Variants in CLVS1 observed in about 807,000 individuals in gnomAD.
CLVS1 encodes the protein clavesin 1.
A neutral mutation model predicts 33.1 loss-of-function variants in CLVS1; 10 were observed. The ratio of observed to expected loss-of-function variants is 0.30; its 90% CI spans 0.19 to 0.51. The LOEUF is 0.51. Ranked by LOEUF, CLVS1 falls within the 20% of genes least tolerant of loss-of-function variation. CLVS1 has a pLI of 0.97. For missense variants in CLVS1, 343 were observed against 433.4 expected, an observed-to-expected ratio of 0.79 and a Z score of 1.85; for synonymous variants, 163 against 166.1, an observed-to-expected ratio of 0.98 and a Z score of 0.14.
chr8:61,107,301 TGG>T (rs1805554768), intron 1 of CLVS1, among the ~76,000 whole-genome samples: 1 of 152,218 alleles, frequency 6.6e-6, no homozygotes, highest in African/African-American at 2.4e-5. Flanking sequence ...TTAGTTGGTT[TGG>T]ACTGCTGTAA....
At chr8:61,203,768 C>T (rs1807787034) in intron 2 of CLVS1, among the ~76,000 whole-genome samples, 3 of 152,160 alleles carry the variant, frequency 2.0e-5, no homozygotes, top group African/African-American at 7.2e-5. Flanking sequence ...TTCTGAACAT[C>T]CTTGGATGTT....
intron 1 of CLVS1, among the ~76,000 whole-genome samples, chr8:61,092,568 ATC>A (rs1805269615): frequency 6.6e-6 from 1 of 152,168 alleles, no homozygotes; most frequent in Admixed American, 6.5e-5. Context: ...TTAGGAGATA[ATC>A]TGTTTTCTTT....
At chr8:61,120,603 C>T (rs1268176086) in intron 1 of CLVS1, among the ~76,000 whole-genome samples, 3 of 118,068 alleles carry the variant, frequency 2.5e-5, no homozygotes, top group Non-Finnish European at 5.1e-5. Context: ...ACAGGACCCT[C>T]AGCTGCAGGT....
At chr8:61,453,720 C>T (rs894768324) in intron 3 of CLVS1, among the ~76,000 whole-genome samples, 9 of 152,040 alleles carry the variant, frequency 5.9e-5, no homozygotes, top group Non-Finnish European at 2.9e-5. Context: ...ATGATTAAGC[C>T]GGTGGAGAGG....
the CLVS1 span, among the ~76,000 whole-genome samples, chr8:60,992,672 C>T: frequency 1.9e-3 from 290 of 152,342 alleles, 1 homozygote; most frequent in Non-Finnish European, 2.4e-3. Context: ...TGCACAAAAG[C>T]TCCATGGAGG....
At chr8:61,437,801 T>C (rs1369337502) in intron 3 of CLVS1, among the ~76,000 whole-genome samples, 1 of 152,202 alleles carries the variant, frequency 6.6e-6, no homozygotes, top group Non-Finnish European at 1.5e-5. Context: ...TTATGAAATA[T>C]TTATTGCTTT....
the CLVS1 span, among the ~76,000 whole-genome samples, chr8:61,021,504 C>A: frequency 6.6e-6 from 1 of 151,868 alleles, no homozygotes; most frequent in Non-Finnish European, 1.5e-5. Flanking sequence ...GCACACACTA[C>A]CATGACTGGC....
intron 5 of CLVS1, among the ~76,000 whole-genome samples, chr8:61,479,093 C>T (rs1043517333): frequency 6.6e-6 from 1 of 152,094 alleles, no homozygotes; most frequent in African/African-American, 2.4e-5. Context: ...ATCTTTGTGG[C>T]ATTCTCTCTA....
chr8:61,201,011 C>A (rs1164092939), intron 2 of CLVS1, among the ~76,000 whole-genome samples: 1 of 152,130 alleles, frequency 6.6e-6, no homozygotes, highest in Non-Finnish European at 1.5e-5. Flanking sequence ...TACTAAATTG[C>A]AATCCTTTCA....
chr8:60,968,955 G>A, the CLVS1 span, among the ~76,000 whole-genome samples: 1 of 151,608 alleles, frequency 6.6e-6, no homozygotes, highest in Non-Finnish European at 1.5e-5. Context: ...CAGGCATGGT[G>A]CTATGGATGT....
At chr8:61,410,776 G>T (rs1342663699) in intron 3 of CLVS1, among the ~76,000 whole-genome samples, 4 of 152,056 alleles carry the variant, frequency 2.6e-5, no homozygotes, top group Non-Finnish European at 5.9e-5. Context: ...CGAGTAGCTG[G>T]GACTACAGGC....
intron 5 of CLVS1, among the ~76,000 whole-genome samples, chr8:61,494,065 A>G (rs1372025756): frequency 6.6e-6 from 1 of 152,192 alleles, no homozygotes; most frequent in Admixed American, 6.5e-5. Flanking sequence ...TTTTGAACAT[A>G]AAAGTAGACC....
At chr8:61,063,780 C>T (rs1470803714) in intron 1 of CLVS1, among the ~76,000 whole-genome samples, 5 of 152,192 alleles carry the variant, frequency 3.3e-5, no homozygotes, top group Non-Finnish European at 5.9e-5. Context: ...AACTCAGTGG[C>T]ATTAGTTCTA....
intron 2 of CLVS1, among the ~76,000 whole-genome samples, chr8:61,251,569 T>C (rs1408092926): frequency 1.3e-5 from 2 of 152,214 alleles, no homozygotes; most frequent in East Asian, 3.8e-4. Context: ...GGTAGGCTAT[T>C]AATTACTGCC....
the CLVS1 span, among the ~76,000 whole-genome samples, chr8:60,992,908 A>G: frequency 6.6e-6 from 1 of 152,180 alleles, no homozygotes; most frequent in African/African-American, 2.4e-5. Flanking sequence ...AGGGAAGGTC[A>G]TGGAAGGACA....
chr8:61,275,259 T>C (rs1393495973), intron 2 of CLVS1, among the ~76,000 whole-genome samples: 1 of 152,158 alleles, frequency 6.6e-6, no homozygotes, highest in African/African-American at 2.4e-5. Context: ...CCACCATTAC[T>C]GCTGCCTTAT....
the CLVS1 span, among the ~76,000 whole-genome samples, chr8:60,975,500 C>T: frequency 6.6e-6 from 1 of 152,072 alleles, no homozygotes; most frequent in Non-Finnish European, 1.5e-5. Flanking sequence ...AGGAACAGGT[C>T]AGGTGAAGAT....
chr8:61,356,347 T>G (rs1457876026), intron 2 of CLVS1, among the ~76,000 whole-genome samples: 2 of 152,196 alleles, frequency 1.3e-5, no homozygotes, highest in Non-Finnish European at 2.9e-5. Context: ...GTGAAAATTT[T>G]CTCCCATTTT....
At chr8:61,021,323 G>A in the CLVS1 span, among the ~76,000 whole-genome samples, 1 of 152,034 alleles carries the variant, frequency 6.6e-6, no homozygotes, top group African/African-American at 2.4e-5. Flanking sequence ...GGCCACATAC[G>A]TTAGATTTCC....
Sources: gnomAD v4.1 joint callset for allele counts (sites outside exome capture counted in the v4.1 genomes callset) on GRCh38, gnomAD v4.1.1 for gene constraint, MANE v1.5 for transcripts, NCBI Gene and HGNC (gene_info 2026-07-23, HGNC 2026-07-21) for gene names.